The following PARD3 variants were observed in gnomAD, a reference collection of about 807,000 sequenced individuals.
PARD3 encodes partitioning defective 3 homolog.
A neutral mutation model predicts 155.4 loss-of-function variants in PARD3; 75 were observed. The observed-to-expected ratio is 0.48, with a 90% confidence interval of 0.40 to 0.58. PARD3 has a LOEUF of 0.58. PARD3 is among the 20% of genes least tolerant of loss of function. The pLI is 0.00. For synonymous variants in PARD3, 576 were observed against 610.5 expected, an observed-to-expected ratio of 0.94 and a Z score of 0.83; for missense variants, 1,642 against 1,721.7, an observed-to-expected ratio of 0.95 and a Z score of 0.82.
chr10:34,657,098 T>C (rs545618734), intron 2 of PARD3, among the ~76,000 whole-genome samples: 2 of 152,084 alleles, frequency 1.3e-5, no homozygotes, highest in South Asian at 2.1e-4. Context: ...GCCTTGGCAA[T>C]TGCATAAATA....
At chr10:34,772,975 G>A (rs950471542) in intron 1 of PARD3, among the ~76,000 whole-genome samples, 1 of 151,910 alleles carries the variant, frequency 6.6e-6, no homozygotes, top group African/African-American at 2.4e-5. Context: ...TCATACCCAG[G>A]CATCTTGGAA....
chr10:34,466,369 C>T (rs1410529709), intron 4 of PARD3, among the ~76,000 whole-genome samples: 5 of 152,130 alleles, frequency 3.3e-5, no homozygotes, highest in Non-Finnish European at 7.3e-5. Flanking sequence ...CTCCACCTCT[C>T]GTTTGTGATT....
intron 22 of PARD3, among the ~76,000 whole-genome samples, chr10:34,254,131 C>T (rs1954499544): frequency 1.3e-5 from 2 of 152,094 alleles, no homozygotes; most frequent in Admixed American, 6.5e-5. Flanking sequence ...CCTATAATTC[C>T]AGCACTTTGG....
At chr10:34,260,220 C>T (rs1032652284) in intron 22 of PARD3, among the ~76,000 whole-genome samples, 1 of 152,226 alleles carries the variant, frequency 6.6e-6, no homozygotes, top group Non-Finnish European at 1.5e-5. Context: ...AGCAATCCTC[C>T]AGACTCACCC....
intron 1 of PARD3, among the ~76,000 whole-genome samples, chr10:34,813,805 A>G (rs1480132049): frequency 6.6e-6 from 1 of 152,202 alleles, no homozygotes; most frequent in Non-Finnish European, 1.5e-5. Flanking sequence ...CACTGTCGGG[A>G]ACAAATGGGA....
chr10:34,190,046 A>T lies in PARD3; in HGVS notation c.3420-58463T>A, dbSNP rs34699529. On this transcript the variant is annotated intron_variant, in intron 22 of 24. Coordinates refer to ENST00000374788, the MANE Select transcript of PARD3 (RefSeq NM_001184785.2). ...TGGTCTCACATTTTCCAAGTGACCAATGCATGGTATAAGTAAAACATTCAT... is the reference window on the plus strand; with the variant it reads ...TGGTCTCACATTTTCCAAGTGACCATTGCATGGTATAAGTAAAACATTCAT... 1.4e-4 allele frequency among the ~76,000 whole-genome samples: 21 copies of T among 152,306 alleles called. No individual in the cohort carries two copies. In the South Asian group the frequency reaches 4.4e-3, roughly 32 times the overall value.
At chr10:34,737,053 G>A (rs1361608010) in intron 1 of PARD3, among the ~76,000 whole-genome samples, 1 of 152,090 alleles carries the variant, frequency 6.6e-6, no homozygotes, top group Non-Finnish European at 1.5e-5. Context: ...CGGTTGAGAT[G>A]CTCCACAATC....
Position 34,602,558 on chromosome 10 carries a change from G to T in PARD3, c.223-85399C>A, listed in dbSNP as rs181606711. Among the ~76,000 whole-genome samples, 10 of 152,254 alleles carry T rather than the reference G, an allele frequency of 6.6e-5. No homozygotes were observed. The East Asian group carries it at 1.9e-3, about 29-fold the overall frequency. On this transcript the variant is annotated intron_variant, in intron 2 of 24. Coordinates refer to ENST00000374788, the MANE Select transcript of PARD3 (RefSeq NM_001184785.2). ...ATCAGCACTAGAATGGAGTAAAAAA[G>T]AAAATTGTGGAAAAATCATACGACA...
intron 1 of PARD3, among the ~76,000 whole-genome samples, chr10:34,767,330 C>T (rs1257906000): frequency 6.6e-6 from 1 of 152,082 alleles, no homozygotes; most frequent in Non-Finnish European, 1.5e-5. Flanking sequence ...CACCTGATGG[C>T]ACAGCAGCTG....
At chr10:34,239,948 G>A (rs1034053325) in intron 22 of PARD3, among the ~76,000 whole-genome samples, 20 of 152,178 alleles carry the variant, frequency 1.3e-4, no homozygotes, top group African/African-American at 4.6e-4. Context: ...ATGGACATCT[G>A]TCATAGTTCA....
intron 3 of PARD3, among the ~76,000 whole-genome samples, chr10:34,474,220 T>C (rs1015782725): frequency 6.6e-6 from 1 of 152,198 alleles, no homozygotes; most frequent in Non-Finnish European, 1.5e-5. Flanking sequence ...ATCATAATGA[T>C]GTTGAAATCA....
At chr10:34,478,079 G>A (rs2078829091) in intron 3 of PARD3, among the ~76,000 whole-genome samples, 1 of 152,164 alleles carries the variant, frequency 6.6e-6, no homozygotes, top group Admixed American at 6.5e-5. Flanking sequence ...GTGGAAGGCA[G>A]GGCAAGAAAT....
At chr10:34,197,111 A>G (rs1950983242) in intron 22 of PARD3, among the ~76,000 whole-genome samples, 1 of 152,152 alleles carries the variant, frequency 6.6e-6, no homozygotes. Context: ...AATATGAAGA[A>G]TGCAGGGTCT....
At chr10:34,706,442 A>G (rs1467156707) in intron 1 of PARD3, among the ~76,000 whole-genome samples, 1 of 152,138 alleles carries the variant, frequency 6.6e-6, no homozygotes, top group Non-Finnish European at 1.5e-5. Flanking sequence ...ATTTGTTAAT[A>G]CAGTACATAA....
chr10:34,428,553 A>G (rs2075740554), intron 5 of PARD3, among the ~76,000 whole-genome samples: 1 of 152,236 alleles, frequency 6.6e-6, no homozygotes, highest in Non-Finnish European at 1.5e-5. Context: ...TAGAAAACTC[A>G]TTTATATTAG....
intron 20 of PARD3, among the ~76,000 whole-genome samples, chr10:34,315,553 C>A (rs576131852): frequency 6.6e-6 from 1 of 152,082 alleles, no homozygotes; most frequent in African/African-American, 2.4e-5. Flanking sequence ...CATCTCTAAC[C>A]CTGTAATTTG....
intron 14 of PARD3, among the ~76,000 whole-genome samples, chr10:34,357,014 A>G (rs1219643171): frequency 6.6e-6 from 1 of 152,232 alleles, no homozygotes; most frequent in African/African-American, 2.4e-5. Context: ...TACTTAAATC[A>G]TATTCATTCA....
chr10:34,128,149 GC>G (rs1947387624), intron 23 of PARD3, among the ~76,000 whole-genome samples: 1 of 152,130 alleles, frequency 6.6e-6, no homozygotes, highest in African/African-American at 2.4e-5. Context: ...ATTGCCAGTT[GC>G]CCCATCTTCC....
At chr10:34,119,323 G>A (rs1250366458) in intron 24 of PARD3, among the ~76,000 whole-genome samples, 1 of 152,210 alleles carries the variant, frequency 6.6e-6, no homozygotes, top group Non-Finnish European at 1.5e-5. Context: ...TGTCCACACA[G>A]GAAGCAGGAG....
Sources: gnomAD v4.1 joint callset for allele counts (sites outside exome capture counted in the v4.1 genomes callset) on GRCh38, gnomAD v4.1.1 for gene constraint, MANE v1.5 for transcripts, NCBI Gene and HGNC (gene_info 2026-07-23, HGNC 2026-07-21) for gene names.